Variants in CEMIP observed in about 807,000 individuals in gnomAD.
CEMIP encodes cell migration inducing hyaluronidase 1.
CEMIP carries 105 observed loss-of-function variants against 156.9 expected under a neutral mutation model. The observed-to-expected ratio is 0.67, with a 90% confidence interval of 0.57 to 0.79. The LOEUF (loss-of-function observed/expected upper bound fraction) is 0.79, where lower values mean the gene tolerates loss of function less well. CEMIP is among the 30% of genes least tolerant of loss of function. CEMIP has a pLI of 0.00. For synonymous variants in CEMIP, 676 were observed against 668.4 expected, an observed-to-expected ratio of 1.01 and a Z score of -0.17; for missense variants, 1,457 against 1,769.4, an observed-to-expected ratio of 0.82 and a Z score of 3.17.
chr15:80,931,894 GC>G lies in CEMIP; in HGVS notation c.2652del (p.Ile885SerfsTer26), dbSNP rs1900927315. ...ATTAGAGGAATTCAGTTATATGATG[GC>G]CCCATCAACATCCAAAACTGCACTT... ...FPIRGIQLYD[G>X]PINIQNCTFR... On this transcript the variant is annotated frameshift_variant, in exon 22 of 30. Transcript: ENST00000394685. LOFTEE classifies it high-confidence loss of function. 6.2e-7 allele frequency: 1 copy of G among 1,614,014 alleles called. No homozygotes were observed. The highest frequency in any genetic ancestry group is 1.7e-5 in the Admixed American group (1 of 59,996).
chr15:80,822,861 A>G lies in CEMIP; in HGVS notation c.-176+43247A>G, dbSNP rs575919579. 2.6e-5 allele frequency among the ~76,000 whole-genome samples: 4 copies of G among 152,330 alleles called. No homozygotes were observed. In the South Asian group the frequency reaches 8.3e-4, roughly 32 times the overall value. On this transcript the variant is annotated intron_variant, in intron 1 of 29. Coordinates refer to ENST00000394685, the MANE Select transcript of CEMIP (RefSeq NM_001293298.2). ...GATTGACTTCCATCTGCTGCCACAC[A>G]GGACACCTCCTCACTCTTGAGCTTT...
chr15:80,880,840 G>A (rs1898627429), intron 5 of CEMIP, 60 bp from the exon 6 acceptor site: 2 of 1,408,322 alleles, frequency 1.4e-6, no homozygotes, highest in African/African-American at 2.8e-5. Context: ...GTTCCCTCTG[G>A]GTTCAGTATC....
At chr15:80,868,509 T>C (rs1020221655) in intron 1 of CEMIP, among the ~76,000 whole-genome samples, 6 of 152,298 alleles carry the variant, frequency 3.9e-5, no homozygotes, top group African/African-American at 9.6e-5. Context: ...TCTTGGCAAG[T>C]TTCCTGGGGA....
chr15:80,919,944 T>C, intron 14 of CEMIP, 150 bp from the exon 15 acceptor site: 1 of 786,454 alleles, frequency 1.3e-6, no homozygotes, highest in Non-Finnish European at 2.2e-6. Context: ...ATTTAGTGTT[T>C]GTTGAATGAA....
At chr15:80,942,188 G>A (rs767319131) in intron 26 of CEMIP, 63 bp from the exon 27 acceptor site, 78 of 1,501,248 alleles carry the variant, frequency 5.2e-5, no homozygotes, top group African/African-American at 2.2e-4. Context: ...CTGGGGATAC[G>A]GGAAGAGGAG....
At chr15:80,786,714 G>C (rs181046372) in intron 1 of CEMIP, among the ~76,000 whole-genome samples, 48 of 152,158 alleles carry the variant, frequency 3.2e-4, no homozygotes, top group African/African-American at 1.1e-3. Flanking sequence ...CAGTGAGAAG[G>C]GCTGTATATG....
At chr15:80,929,850 G>A (rs1900838736) in intron 21 of CEMIP, among the ~76,000 whole-genome samples, 1 of 152,210 alleles carries the variant, frequency 6.6e-6, no homozygotes, top group South Asian at 2.1e-4. Context: ...TTCAAATGAA[G>A]GTCAGACGAT....
intron 1 of CEMIP, among the ~76,000 whole-genome samples, chr15:80,871,957 G>T (rs1898307496): frequency 6.6e-6 from 1 of 152,202 alleles, no homozygotes; most frequent in Admixed American, 6.5e-5. Flanking sequence ...CTTGGGTCAG[G>T]CAGGGCGGCT....
At chr15:80,867,547 C>T (rs955174252) in intron 1 of CEMIP, among the ~76,000 whole-genome samples, 2 of 152,202 alleles carry the variant, frequency 1.3e-5, no homozygotes, top group Non-Finnish European at 2.9e-5. Context: ...GTGCTTCTCT[C>T]CAAGGATGCA....
intron 6 of CEMIP, among the ~76,000 whole-genome samples, chr15:80,881,905 G>C (rs1447315975): frequency 6.6e-6 from 1 of 152,204 alleles, no homozygotes; most frequent in African/African-American, 2.4e-5. Context: ...GGATGTACCT[G>C]AGAGATGTTT....
intron 1 of CEMIP, among the ~76,000 whole-genome samples, chr15:80,793,802 A>G (rs1896146604): frequency 6.6e-6 from 1 of 152,100 alleles, no homozygotes; most frequent in Non-Finnish European, 1.5e-5. Context: ...ACTTTCTGAG[A>G]CTTGGGTGCT....
chr15:80,917,728 G>A (rs1900323513), intron 14 of CEMIP, among the ~76,000 whole-genome samples: 1 of 152,190 alleles, frequency 6.6e-6, no homozygotes, highest in Non-Finnish European at 1.5e-5. Context: ...TGGAGTGAGT[G>A]GACACAGAAA....
chr15:80,831,256 T>C (rs763337004), intron 1 of CEMIP, among the ~76,000 whole-genome samples: 1 of 152,112 alleles, frequency 6.6e-6, no homozygotes, highest in African/African-American at 2.4e-5. Context: ...TTGTGAATTA[T>C]AGAACAGGAG....
rs181470477 is a variant in CEMIP at position 80,884,239 on chromosome 15, G to T, written c.682G>T (p.Asp228Tyr). 6.2e-7 allele frequency: 1 copy of T among 1,614,198 alleles called. No individual in the cohort carries two copies. Among genetic ancestry groups the T allele is most frequent in the South Asian group, 1.1e-5 (1 of 91,086 alleles). ...RLVQYLNAVPDGRILSVAVND... is the reference protein window; with the variant it reads ...RLVQYLNAVPYGRILSVAVND... ...GGTCCAGTATTTGAACGCGGTGCCC[G>T]ATGGCAGGATCCTTTCTGTTGCAGT... The change falls in exon 7 of 30, where the codon GAT (aspartate) becomes TAT (tyrosine). Residue 228 changes from aspartate to tyrosine, a missense_variant. Around this residue, in one of 5 missense-constraint regions of CEMIP, gnomAD observed 309 missense variants for 340.8 expected, o/e 0.91. Transcript: ENST00000394685.
intron 1 of CEMIP, among the ~76,000 whole-genome samples, chr15:80,782,319 C>G (rs1895818696): frequency 6.6e-6 from 1 of 152,250 alleles, no homozygotes; most frequent in Middle Eastern, 3.4e-3. Context: ...TAGGGGTTAG[C>G]TTTATGGAGT....
chr15:80,839,200 C>T (rs1282159457), intron 1 of CEMIP, among the ~76,000 whole-genome samples: 2 of 152,032 alleles, frequency 1.3e-5, no homozygotes, highest in Non-Finnish European at 2.9e-5. Flanking sequence ...CACTTCTCCT[C>T]AGCCAGCAGG....
intron 1 of CEMIP, among the ~76,000 whole-genome samples, chr15:80,856,833 A>T (rs1236545370): frequency 6.6e-6 from 1 of 152,084 alleles, no homozygotes; most frequent in Non-Finnish European, 1.5e-5. Flanking sequence ...ATTTTCTTCC[A>T]CAGAACAGGG....
intron 3 of CEMIP, among the ~76,000 whole-genome samples, chr15:80,876,108 T>C (rs1898467646): frequency 6.6e-6 from 1 of 152,252 alleles, no homozygotes; most frequent in Non-Finnish European, 1.5e-5. Flanking sequence ...CCCAGCATAT[T>C]CATGGCTCCT....
At chr15:80,856,580 G>T (rs1897857432) in intron 1 of CEMIP, among the ~76,000 whole-genome samples, 1 of 152,178 alleles carries the variant, frequency 6.6e-6, no homozygotes, top group African/African-American at 2.4e-5. Context: ...GTCCCCTAGT[G>T]GTGAGTTAGG....
Sources: gnomAD v4.1 joint callset for allele counts (sites outside exome capture counted in the v4.1 genomes callset) on GRCh38, gnomAD v4.1.1 for gene constraint, gnomAD v4.1.1 regional missense constraint, MANE v1.5 for transcripts, NCBI Gene and HGNC (gene_info 2026-07-23, HGNC 2026-07-21) for gene names.